SLC16A10: variants seen among roughly 807,000 people sequenced by gnomAD.
SLC16A10 encodes the protein monocarboxylate transporter 10.
A neutral mutation model predicts 40.0 loss-of-function variants in SLC16A10; 27 were observed. The observed-to-expected ratio is 0.67, with a 90% CI of 0.50 to 0.93. SLC16A10 has a LOEUF of 0.93. Among genes scored for constraint, SLC16A10 ranks in the 40% least tolerant of loss-of-function variants. The probability of loss-of-function intolerance (pLI) is 0.00; values close to 1 mark genes in which losing one functional copy is unlikely to be tolerated. For missense variants in SLC16A10, 529 were observed against 658.2 expected (o/e 0.80, Z 2.15); for synonymous variants, 213 against 249.8 (o/e 0.85, Z 1.39).
At chr6:111,208,050 C>T (rs1375359300) in intron 4 of SLC16A10, among the ~76,000 whole-genome samples, 1 of 152,108 alleles carries the variant, frequency 6.6e-6, no homozygotes, top group East Asian at 1.9e-4. Flanking sequence ...CTCACTGCAG[C>T]CTCAACATCC....
chr6:111,152,030 A>T (rs1217549505), intron 1 of SLC16A10, among the ~76,000 whole-genome samples: 1 of 152,186 alleles, frequency 6.6e-6, no homozygotes, highest in Non-Finnish European at 1.5e-5. Flanking sequence ...TGAGATCCCC[A>T]GTGCCCAGCA....
At chr6:111,196,263 G>A (rs774063267) in intron 3 of SLC16A10, among the ~76,000 whole-genome samples, 47 of 152,130 alleles carry the variant, frequency 3.1e-4, no homozygotes, top group Non-Finnish European at 1.0e-4. Flanking sequence ...TCTTGAACCC[G>A]TGAAGCAGAG....
intron 1 of SLC16A10, among the ~76,000 whole-genome samples, chr6:111,105,730 G>A (rs192768246): frequency 1.5e-4 from 23 of 152,304 alleles, no homozygotes; most frequent in African/African-American, 5.1e-4. Flanking sequence ...AGGTTGGCAC[G>A]GTGCCTGTGT....
At chr6:111,170,955 TG>T (rs1772574714) in intron 1 of SLC16A10, among the ~76,000 whole-genome samples, 1 of 151,988 alleles carries the variant, frequency 6.6e-6, no homozygotes, top group African/African-American at 2.4e-5. Context: ...CTGGGCAACA[TG>T]GCGAAACCTT....
At chr6:111,125,297 C>T (rs1417753397) in intron 1 of SLC16A10, among the ~76,000 whole-genome samples, 2 of 152,036 alleles carry the variant, frequency 1.3e-5, no homozygotes, top group Non-Finnish European at 2.9e-5. Context: ...ATCTCCAGGC[C>T]TCATGGGAGT....
chr6:111,185,181 GCAAAGCTGTGCTTGTT>G (rs1191326906), intron 3 of SLC16A10, among the ~76,000 whole-genome samples: 1 of 152,236 alleles, frequency 6.6e-6, no homozygotes, highest in African/African-American at 2.4e-5. Flanking sequence ...AAACAATTCT[GCAAAGCTGTGCTTGTT>G]CAAAGCCATT....
intron 1 of SLC16A10, among the ~76,000 whole-genome samples, chr6:111,150,460 C>T (rs1015093746): frequency 2.6e-5 from 4 of 152,228 alleles, no homozygotes; most frequent in Admixed American, 1.3e-4. Context: ...TCCCAGATAT[C>T]GATATCATCA....
chr6:111,102,663 G>A (rs1405433065), intron 1 of SLC16A10, among the ~76,000 whole-genome samples: 2 of 152,080 alleles, frequency 1.3e-5, no homozygotes, highest in African/African-American at 4.8e-5. Context: ...GTTGATCAAG[G>A]TCTGTCTTAG....
At chr6:111,180,889 T>G (rs2114552655) in intron 3 of SLC16A10, among the ~76,000 whole-genome samples, 1 of 152,316 alleles carries the variant, frequency 6.6e-6, no homozygotes, top group Non-Finnish European at 1.5e-5. Context: ...AGTACTTTTA[T>G]GTAAGAGGCA....
At chr6:111,215,582 C>T (rs775774090) in intron 4 of SLC16A10, among the ~76,000 whole-genome samples, 5 of 152,098 alleles carry the variant, frequency 3.3e-5, no homozygotes, top group African/African-American at 4.8e-5. Context: ...AATCTGGCCC[C>T]GTACCATCCT....
At chr6:111,098,485 A>G (rs1257940362) in intron 1 of SLC16A10, among the ~76,000 whole-genome samples, 1 of 152,208 alleles carries the variant, frequency 6.6e-6, no homozygotes, top group Non-Finnish European at 1.5e-5. Context: ...GTGTTCAGAA[A>G]GCCAAAATTT....
At chr6:111,124,127 GGA>G (rs1453309376) in intron 1 of SLC16A10, among the ~76,000 whole-genome samples, 1 of 152,128 alleles carries the variant, frequency 6.6e-6, no homozygotes, top group Non-Finnish European at 1.5e-5. Flanking sequence ...GACTTGAGAT[GGA>G]GGGGTTCTTG....
intron 3 of SLC16A10, among the ~76,000 whole-genome samples, chr6:111,194,968 G>T (rs2114570682): frequency 6.6e-6 from 1 of 152,178 alleles, no homozygotes; most frequent in South Asian, 2.1e-4. Flanking sequence ...GCTTCCTTGT[G>T]AGGCACTTCT....
rs370661991 is a variant in SLC16A10, at chr6:111,177,547, A to T, written c.824A>T (p.Lys275Met). Residue 275 changes from lysine (K) to methionine (M), a missense_variant, in exon 3 of 6, where the codon AAG becomes ATG. By Grantham distance (95) the Lys-to-Met change is moderately conservative. Coordinates refer to ENST00000368851, the MANE Select transcript of SLC16A10 (RefSeq NM_018593.5). ...GGATCCTCCCTCTTTTCCAGGAAAAAGTTCAGTCCTCCAAAAAAAATTTTC... is the reference window on the plus strand; with the variant it reads ...GGATCCTCCCTCTTTTCCAGGAAAATGTTCAGTCCTCCAAAAAAAATTTTC... ...GSGSSLFSRK[K>M]FSPPKKIFNF... is the part of the protein sequence containing the mutation. 16 of 1,613,026 alleles carry T rather than the reference A, an allele frequency of 9.9e-6. No homozygotes were observed. The African/African-American group carries it at 1.2e-4, about 12-fold the overall frequency.
rs541758500 is a variant in SLC16A10, at chr6:111,089,908, GTTTTTTTTTTTTTTTTTTTTTT to G, written c.343+1830_343+1851del. ...TAGATCCTTTGGTGTCTGTGGGTGG[GTTTTTTTTTTTTTTTTTTTTTT>G]TTTTTTTTTTTTTTTTGAGAGAGAG... On this transcript the variant is annotated intron_variant, in intron 1 of 5. Coordinates refer to ENST00000368851, the MANE Select transcript of SLC16A10 (RefSeq NM_018593.5). Among the ~76,000 whole-genome samples the G allele has an allele frequency of 2.2e-3, 117 of 52,334 alleles. 3 individuals are homozygous for G. Among genetic ancestry groups the G allele is most frequent in the African/African-American group, 7.5e-3 (111 of 14,856 alleles). The allele number at this position is 52,334 out of a possible 152,430, so 34.3% of individuals were successfully genotyped here.
At chr6:111,180,988 G>A (rs751682679) in intron 3 of SLC16A10, among the ~76,000 whole-genome samples, 3 of 152,180 alleles carry the variant, frequency 2.0e-5, no homozygotes, top group Admixed American at 6.5e-5. Context: ...GCCAAGGCAG[G>A]TGTATCACCA....
At chr6:111,149,372 ACT>A (rs1562413523) in intron 1 of SLC16A10, among the ~76,000 whole-genome samples, 1 of 151,840 alleles carries the variant, frequency 6.6e-6, no homozygotes, top group Non-Finnish European at 1.5e-5. Context: ...CACTGTCATG[ACT>A]CTCCTATTCC....
chr6:111,229,677 CATT>C lies in SLC16A10; in HGVS notation c.*7443_*7445del, dbSNP rs1260910010. Reference sequence around the variant, plus strand: ...ATTTGAAATTTATCACTGAAAGTATCATTGTTTGTCTTTCAGATTTAACATAAA... The same window carrying C: ...ATTTGAAATTTATCACTGAAAGTATCGTTTGTCTTTCAGATTTAACATAAA... On this transcript the variant is annotated 3_prime_UTR_variant, in exon 6 of 6. Transcript: ENST00000368851. 2 of 152,292 alleles carry C rather than the reference CATT, an allele frequency of 1.3e-5. No homozygotes were observed. The highest frequency in any genetic ancestry group is 3.8e-4 in the East Asian group (2 of 5,196). 9.4% of individuals were successfully genotyped at this position (152,292 alleles called of 1,614,324 possible).
chr6:111,215,655 CT>C (rs1357700619), intron 4 of SLC16A10, among the ~76,000 whole-genome samples: 1 of 152,132 alleles, frequency 6.6e-6, no homozygotes, highest in Non-Finnish European at 1.5e-5. Context: ...ATTTAAGTAA[CT>C]TTCCATGTTT....
Sources: allele counts gnomAD v4.1 joint callset (sites outside exome capture counted in the v4.1 genomes callset), GRCh38; gene constraint gnomAD v4.1.1; transcripts MANE v1.5; gene names NCBI Gene and HGNC (gene_info 2026-07-23, HGNC 2026-07-21).